The following HUWE1 variants were observed in gnomAD, a reference collection of about 807,000 sequenced individuals.
HUWE1 encodes the protein HECT, UBA and WWE domain containing E3 ubiquitin protein ligase 1.
A neutral mutation model predicts 299.4 loss-of-function variants in HUWE1; 18 were observed. The observed-to-expected ratio is 0.06, with a 90% CI of 0.04 to 0.09. The LOEUF (loss-of-function observed/expected upper bound fraction) is 0.09. Ranked by LOEUF, HUWE1 falls within the 10% of genes least tolerant of loss-of-function variation. The pLI is 1.00. For synonymous variants in HUWE1, 1,317 were observed against 1,286.1 expected, an observed-to-expected ratio of 1.02 and a Z score of -0.51; for missense variants, 1,832 against 3,462.3, an observed-to-expected ratio of 0.53 and a Z score of 11.82.
chrX:53,550,121 C>T (rs141470383), intron 66 of HUWE1, among the ~76,000 whole-genome samples: 1,113 of 111,220 alleles, frequency 0.01, 6 homozygotes, highest in Non-Finnish European at 0.016. Context: ...CTACATCACA[C>T]GGCGACTGAG....
At position 53,538,714 on chromosome X, in the gene HUWE1, AC is replaced by A. The variant is rs1556915413; in HGVS notation, c.11878+120del. 3.8e-5 allele frequency: 25 copies of A among 660,226 alleles called. No homozygotes were observed. The African/African-American group carries it at 4.7e-4, about 12-fold the overall frequency. 54.4% of individuals were successfully genotyped at this position (660,226 alleles called of 1,213,427 possible). A position where few individuals can be genotyped will look rare whatever the true frequency, so the allele number is the denominator to read the frequency against. ...TGTGTATGTACACACACACACACAC[AC>A]ACACACACACTCTCTCTCTCTCTCT... On this transcript the variant is annotated intron_variant, in intron 76 of 83. Transcript: ENST00000262854.
At chrX:53,537,396 G>T in intron 78 of HUWE1, 160 bp downstream of exon 78, 1 of 577,589 alleles carries the variant, frequency 1.7e-6, no homozygotes. Flanking sequence ...CCAGAAGATA[G>T]GAGACAACTC....
Position 53,559,388 on chromosome X carries a change from A to C in HUWE1, c.7881T>G (p.Phe2627Leu), listed in dbSNP as rs782731764. The C allele has an allele frequency of 1.7e-6, 2 of 1,211,646 alleles. No individual in the cohort carries two copies. The highest frequency in any genetic ancestry group is 3.5e-5 in the South Asian group (2 of 56,974). ...TGGTAGCTGTGCTCTGATCATGGAA[A>C]AAGTCATCCAGCAGCTCATCATCAG... The part of the protein sequence containing the change: ...ARSDDELLDD[F>L]FHDQSTATSQ... Residue 2627 changes from phenylalanine (F) to leucine (L), a missense_variant, in exon 57 of 84, where the codon TTT becomes TTG. By Grantham distance (22) the Phe-to-Leu change is conservative (BLOSUM62 0). Around this residue, in one of 15 missense-constraint regions of HUWE1, gnomAD observed 170 missense variants for 335.8 expected, o/e 0.51. Coordinates refer to ENST00000262854, the MANE Select transcript of HUWE1 (RefSeq NM_031407.7).
intron 67 of HUWE1, 149 bp downstream of exon 67, chrX:53,548,810 T>C (rs1361010078): frequency 1.8e-5 from 9 of 504,380 alleles, no homozygotes; most frequent in South Asian, 6.1e-5. Flanking sequence ...ACCCCAGAAA[T>C]ATATAGGACA....
rs2062461596 is a variant in HUWE1, at chrX:53,565,084, C to T, written c.6863G>A (p.Ser2288Asn). 4 of 1,211,329 alleles carry T rather than the reference C, an allele frequency of 3.3e-6. No individual in the cohort carries two copies. Among genetic ancestry groups the T allele is most frequent in the Non-Finnish European group, 4.5e-6 (4 of 895,110 alleles). Residue 2288 changes from serine to asparagine, a missense_variant, in exon 50 of 84, where the codon AGC becomes AAC. This residue lies in a region of HUWE1 where 26 missense variants were observed against 20.7 expected (regional missense o/e 1.26). Coordinates refer to ENST00000262854, the MANE Select transcript of HUWE1 (RefSeq NM_031407.7). ...DAQGASQDSSSNQQDPGEPGE... is the reference protein window; with the variant it reads ...DAQGASQDSSNNQQDPGEPGE... The stretch of plus-strand genomic sequence containing the variant: ...TTCCCTACCTGGGTCCTGCTGGTTG[C>T]TACTGGAATCTTGAGAGGCTCCTTG...
intron 43 of HUWE1, among the ~76,000 whole-genome samples, chrX:53,580,456 T>C (rs782327284): frequency 6.2e-5 from 7 of 112,594 alleles, no homozygotes; most frequent in Non-Finnish European, 1.1e-4. Context: ...AAACATTTCT[T>C]GGCAGGAATA....
At chrX:53,648,445 G>A in intron 4 of HUWE1, 135 bp from the exon 5 acceptor site, 1 of 459,943 alleles carries the variant, frequency 2.2e-6, no homozygotes, top group Non-Finnish European at 3.9e-6. Flanking sequence ...AAAACGAGAT[G>A]TGCCAGACAA....
intron 47 of HUWE1, among the ~76,000 whole-genome samples, chrX:53,570,079 G>A (rs1399742745): frequency 4.4e-5 from 5 of 112,373 alleles, no homozygotes; most frequent in Admixed American, 3.8e-4. Context: ...TAGATGTCAT[G>A]TATTTTTAAA....
Position 53,551,453 on chromosome X carries a change from G to T in HUWE1, c.8909C>A (p.Pro2970His), listed in dbSNP as rs1187509402. ...ATCAGGCAGGGCAGCCAGAAAAGAG[G>T]GGTCCACACCTTCAGGGAGACTGAT... Reference protein sequence around the residue: ...AGISLPEGVDPSFLAALPDDI... With the variant: ...AGISLPEGVDHSFLAALPDDI... The change falls in exon 64 of 84, where the codon CCC becomes CAC. Residue 2970 changes from proline (P) to histidine (H), a missense_variant. Coordinates refer to ENST00000262854, the MANE Select transcript of HUWE1 (RefSeq NM_031407.7). 8.3e-7 allele frequency: 1 copy of T among 1,203,269 alleles called. No individual in the cohort carries two copies. Among genetic ancestry groups the T allele is most frequent in the Non-Finnish European group, 1.1e-6 (1 of 891,492 alleles).
At chrX:53,627,625 TGATTTCTAGAAA>T in intron 16 of HUWE1, 102 bp downstream of exon 16, 1 of 845,180 alleles carries the variant, frequency 1.2e-6, no homozygotes, top group Non-Finnish European at 1.7e-6. Context: ...GATACACAGT[TGATTTCTAGAAA>T]CAGAAGAGAC....
At chrX:53,667,152 T>C (rs2069288256) in intron 3 of HUWE1, among the ~76,000 whole-genome samples, 1 of 112,161 alleles carries the variant, frequency 8.9e-6, no homozygotes, top group Non-Finnish European at 1.9e-5. Context: ...GAATTACAAC[T>C]TCCTCATGCC....
chrX:53,545,318 C>T (rs1014732650), intron 70 of HUWE1, among the ~76,000 whole-genome samples, 157 bp from the exon 71 acceptor site: 5 of 111,639 alleles, frequency 4.5e-5, no homozygotes, highest in Non-Finnish European at 9.4e-5. Flanking sequence ...GCTTATTATG[C>T]GTGTCCACGA....
chrX:53,631,067 A>G (rs2066843771), intron 11 of HUWE1, 33 bp from the exon 12 acceptor site: 3 of 866,639 alleles, frequency 3.5e-6, no homozygotes, highest in Non-Finnish European at 5.2e-6. Context: ...TTTTAAAAAC[A>G]TCAATGAAAA....
Position 53,532,922 on chromosome X carries a change from T to A in HUWE1, c.*387A>T, listed in dbSNP as rs962493138. On this transcript the variant is annotated 3_prime_UTR_variant, in exon 84 of 84. Transcript: ENST00000262854. Reference sequence around the variant, plus strand: ...AAGAAATGCAAACAGAACAAAAAAATATATATATATATAATTTTTTCCCCT... The same window carrying A: ...AAGAAATGCAAACAGAACAAAAAAAAATATATATATATAATTTTTTCCCCT... 84 of 110,323 alleles carry A rather than the reference T, an allele frequency of 7.6e-4. 1 individual carries two copies. The highest frequency in any genetic ancestry group is 4.8e-3 in the Admixed American group (49 of 10,199). 9.1% of individuals were successfully genotyped at this position (110,323 alleles called of 1,213,427 possible).
chrX:53,555,366 C>T lies in HUWE1; in HGVS notation c.8207-446G>A, dbSNP rs185074297. Among the ~76,000 whole-genome samples the T allele has an allele frequency of 1.9e-4, 21 of 111,714 alleles. No homozygotes were observed. The East Asian group carries it at 5.4e-3, about 29-fold the overall frequency. On this transcript the variant is annotated intron_variant, in intron 60 of 83. Coordinates refer to ENST00000262854, the MANE Select transcript of HUWE1 (RefSeq NM_031407.7). ...TTTTGGAGACAGGGTCTCACTGTTG[C>T]CCAGGCTGGAGTGTAGTGGCACAAT... is the stretch of plus-strand genomic sequence containing the variant.
chrX:53,557,676 T>C (rs1402099887), intron 59 of HUWE1, among the ~76,000 whole-genome samples: 2 of 111,825 alleles, frequency 1.8e-5, no homozygotes, highest in African/African-American at 3.2e-5. Flanking sequence ...GAAAGGATAA[T>C]AAAAACCCCT....
chrX:53,625,359 A>G (rs1476763395), intron 17 of HUWE1, 101 bp from the exon 18 acceptor site: 4 of 550,937 alleles, frequency 7.3e-6, no homozygotes, highest in Non-Finnish European at 1.3e-5. Flanking sequence ...ATACACTATA[A>G]TAAAATTAGA....
At chrX:53,666,835 C>T (rs183676754) in intron 3 of HUWE1, among the ~76,000 whole-genome samples, 26 of 111,629 alleles carry the variant, frequency 2.3e-4, no homozygotes, top group African/African-American at 8.5e-4. Flanking sequence ...CATTCCTGTA[C>T]CAGCATATGA....
chrX:53,634,828 C>A (rs781839417), intron 7 of HUWE1, among the ~76,000 whole-genome samples: 15 of 112,154 alleles, frequency 1.3e-4, no homozygotes, highest in African/African-American at 4.2e-4. Flanking sequence ...CTGTACTTTG[C>A]CACTCAAATC....
Sources: allele counts gnomAD v4.1 joint callset (sites outside exome capture counted in the v4.1 genomes callset), GRCh38; gene constraint gnomAD v4.1.1; regional missense constraint gnomAD v4.1.1; transcripts MANE v1.5; gene names NCBI Gene and HGNC (gene_info 2026-07-23, HGNC 2026-07-21).